Variants in ALK observed in about 807,000 individuals in gnomAD.
ALK encodes ALK tyrosine kinase receptor.
ALK carries 74 observed loss-of-function variants against 163.1 expected under a neutral mutation model. The ratio of observed to expected loss-of-function variants is 0.45; its 90% CI spans 0.38 to 0.55. ALK has a LOEUF of 0.55. Ranked by LOEUF, ALK falls within the 20% of genes least tolerant of loss-of-function variation. The pLI is 0.00. For missense variants in ALK, 2,063 were observed against 2,105.3 expected (o/e 0.98, Z 0.39); for synonymous variants, 960 against 843.2 (o/e 1.14, Z -2.40).
At chr2:29,585,232 T>C (rs1040303355) in intron 3 of ALK, among the ~76,000 whole-genome samples, 4 of 152,254 alleles carry the variant, frequency 2.6e-5, no homozygotes, top group African/African-American at 9.6e-5. Flanking sequence ...ACATTTACTT[T>C]AGGTGATGAT....
chr2:29,609,283 G>GT (rs1031153893), intron 3 of ALK, among the ~76,000 whole-genome samples: 2 of 151,714 alleles, frequency 1.3e-5, no homozygotes, highest in Non-Finnish European at 2.9e-5. Context: ...TTTGTGTGTG[G>GT]TTTTTTTTCT....
chr2:29,879,401 G>C (rs75001920), intron 1 of ALK, among the ~76,000 whole-genome samples: 3 of 152,200 alleles, frequency 2.0e-5, no homozygotes, highest in South Asian at 2.1e-4. Flanking sequence ...AGGAAAAAAA[G>C]TGTCAACTGA....
chr2:29,717,950 T>C (rs1679311197), intron 1 of ALK, among the ~76,000 whole-genome samples: 2 of 152,310 alleles, frequency 1.3e-5, no homozygotes, highest in Non-Finnish European at 2.9e-5. Context: ...CTCTGGGAGA[T>C]GAACTAGAAG....
intron 3 of ALK, among the ~76,000 whole-genome samples, chr2:29,539,784 T>G (rs1244480160): frequency 6.6e-6 from 1 of 152,172 alleles, no homozygotes; most frequent in Non-Finnish European, 1.5e-5. Flanking sequence ...GTTTGAAACA[T>G]TGTTGATTCT....
At chr2:29,568,464 G>A (rs926256774) in intron 3 of ALK, among the ~76,000 whole-genome samples, 5 of 152,164 alleles carry the variant, frequency 3.3e-5, no homozygotes, top group Admixed American at 6.5e-5. Flanking sequence ...ATTGAGAGCC[G>A]GCTGCAGTCA....
At chr2:29,730,740 G>C (rs183430108) in intron 1 of ALK, among the ~76,000 whole-genome samples, 1 of 152,164 alleles carries the variant, frequency 6.6e-6, no homozygotes, top group South Asian at 2.1e-4. Flanking sequence ...GCAGTGAAAG[G>C]CAACTGGCCC....
At chr2:29,522,026 C>A (rs1672827609) in intron 4 of ALK, among the ~76,000 whole-genome samples, 1 of 152,126 alleles carries the variant, frequency 6.6e-6, no homozygotes, top group Non-Finnish European at 1.5e-5. Flanking sequence ...ACTGTATGCA[C>A]ACCATAGAAA....
At chr2:29,516,053 T>C (rs1672654046) in intron 4 of ALK, among the ~76,000 whole-genome samples, 1 of 152,210 alleles carries the variant, frequency 6.6e-6, no homozygotes, top group South Asian at 2.1e-4. Context: ...ACAGTGACAG[T>C]GCTGGAGTCG....
chr2:29,920,434 A>T lies in ALK; in HGVS notation c.226T>A (p.Ser76Thr). The change falls in exon 1 of 29, where the codon TCC becomes ACC. Residue 76 changes from serine to threonine, a missense_variant. Ser to Thr is a moderately conservative substitution (Grantham distance 58). Transcript: ENST00000389048. ...VYARDLLLPP[S>T]SSELKAGRPE... ...CTGCCAGCCTTCAGCTCCGAGGAGG[A>T]TGGTGGCAGCAGTAGGTCCCGGGCG... The T allele has an allele frequency of 6.2e-7, 1 of 1,606,876 alleles. No individual in the cohort carries two copies. The highest frequency in any genetic ancestry group is 8.5e-7 in the Non-Finnish European group (1 of 1,177,134).
rs557704577 is a variant in ALK, at chr2:29,883,726, C to G, written c.667+36267G>C. 2.0e-5 allele frequency among the ~76,000 whole-genome samples: 3 copies of G among 152,230 alleles called. No homozygotes were observed. The East Asian group carries it at 5.8e-4, about 29-fold the overall frequency. On this transcript the variant is annotated intron_variant, in intron 1 of 28. Transcript: ENST00000389048. ...TCATATGCCAATTAAATATGGATAA[C>G]CTTTGAACAACAGGAGTTTGGACCG...
chr2:29,226,806 G>A (rs1273190365), intron 18 of ALK, 116 bp downstream of exon 18: 2 of 1,318,978 alleles, frequency 1.5e-6, no homozygotes, highest in Admixed American at 1.7e-5. Context: ...GTAGGGGAGG[G>A]ACAGAAAGTT....
Position 29,868,465 on chromosome 2 carries a change from TGAA to T in ALK, c.667+51525_667+51527del, listed in dbSNP as rs571855157. ...TTGCATGTGAGATGATAAGTGTAAT[TGAA>T]GAAAAAAACAAAGCAAGGAAGAGCA... On this transcript the variant is annotated intron_variant, in intron 1 of 28. Coordinates refer to ENST00000389048, the MANE Select transcript of ALK (RefSeq NM_004304.5). Among the ~76,000 whole-genome samples, 12 of 152,154 alleles carry T rather than the reference TGAA, an allele frequency of 7.9e-5. No homozygotes were observed. The South Asian group carries it at 2.5e-3, about 32-fold the overall frequency.
chr2:29,809,233 GT>G (rs1328887224), intron 1 of ALK, among the ~76,000 whole-genome samples: 2 of 152,214 alleles, frequency 1.3e-5, no homozygotes, highest in African/African-American at 2.4e-5. Context: ...AATATTATGT[GT>G]TGGGCACCTA....
At position 29,226,522 on chromosome 2, in the gene ALK, C is replaced by G. The variant is rs909227980; in HGVS notation, c.3067+400G>C. Among the ~76,000 whole-genome samples the G allele has an allele frequency of 4.0e-5, 6 of 150,490 alleles. No homozygotes were observed. In the South Asian group the frequency reaches 6.3e-4, roughly 16 times the overall value. ...AAAAAAGAGGAGGAGAATGGGAGCA[C>G]TGTCTTCAAACACTGCACATGCACA... On this transcript the variant is annotated intron_variant, in intron 18 of 28. Transcript: ENST00000389048.
At chr2:29,612,803 A>G (rs1675734154) in intron 3 of ALK, among the ~76,000 whole-genome samples, 1 of 152,170 alleles carries the variant, frequency 6.6e-6, no homozygotes, top group African/African-American at 2.4e-5. Flanking sequence ...GGTGACAGAA[A>G]GAGGCAGCTG....
intron 5 of ALK, among the ~76,000 whole-genome samples, chr2:29,332,230 G>A (rs1436969366): frequency 1.5e-5 from 2 of 133,608 alleles, no homozygotes. Context: ...AGGTTGCAGT[G>A]AGCCAAGACC....
At chr2:29,774,671 T>G (rs1681122370) in intron 1 of ALK, among the ~76,000 whole-genome samples, 1 of 152,102 alleles carries the variant, frequency 6.6e-6, no homozygotes, top group South Asian at 2.1e-4. Context: ...ATTTGGACTG[T>G]GAGGTGGGCC....
intron 4 of ALK, among the ~76,000 whole-genome samples, chr2:29,432,784 A>G (rs1227925567): frequency 1.4e-5 from 2 of 147,126 alleles, no homozygotes; most frequent in Non-Finnish European, 3.0e-5. Context: ...GCATCAATTG[A>G]TCTGGAGTGA....
intron 1 of ALK, among the ~76,000 whole-genome samples, chr2:29,838,836 G>A (rs1174049558): frequency 2.0e-5 from 3 of 152,156 alleles, no homozygotes; most frequent in Non-Finnish European, 4.4e-5. Context: ...ATAGGGAAGA[G>A]GGTTATGCAG....
Sources: allele counts gnomAD v4.1 joint callset (sites outside exome capture counted in the v4.1 genomes callset), GRCh38; gene constraint gnomAD v4.1.1; transcripts MANE v1.5; gene names NCBI Gene and HGNC (gene_info 2026-07-23, HGNC 2026-07-21).